Variants in KDSR observed in about 807,000 individuals in gnomAD.
KDSR encodes the protein 3-dehydrosphinganine reductase.
KDSR carries 23 observed loss-of-function variants against 41.3 expected under a neutral mutation model. The observed-to-expected ratio is 0.56, with a 90% CI of 0.40 to 0.79. The LOEUF is 0.79. Among genes scored for constraint, KDSR ranks in the 30% least tolerant of loss-of-function variants. KDSR has a pLI of 0.00. For synonymous variants in KDSR, 138 were observed against 151.7 expected, an observed-to-expected ratio of 0.91 and a Z score of 0.66; for missense variants, 351 against 416.8, an observed-to-expected ratio of 0.84 and a Z score of 1.37.
At chr18:63,358,710 G>A (rs1200918528) in intron 3 of KDSR, among the ~76,000 whole-genome samples, 1 of 150,206 alleles carries the variant, frequency 6.7e-6, no homozygotes, top group African/African-American at 2.4e-5. Context: ...AGCTACTCAG[G>A]AGGCTGAGGC....
chr18:63,337,094 T>G (rs2850769), intron 8 of KDSR, among the ~76,000 whole-genome samples: 1 of 38,702 alleles, frequency 2.6e-5, no homozygotes, highest in Non-Finnish European at 6.6e-5. Context: ...ATATGTGACT[T>G]TATATATATA....
chr18:63,337,864 G>T (rs1221083946), intron 8 of KDSR, among the ~76,000 whole-genome samples: 1 of 152,166 alleles, frequency 6.6e-6, no homozygotes, highest in Middle Eastern at 3.2e-3. Context: ...GGAGGCAGAG[G>T]TTGCAGTGAG....
intron 2 of KDSR, 119 bp from the exon 3 acceptor site, chr18:63,359,911 C>A (rs906063346): frequency 3.6e-5 from 26 of 724,290 alleles, no homozygotes; most frequent in South Asian, 3.0e-5. Context: ...AGAAAACACA[C>A]AAAACAGTAT....
intron 7 of KDSR, among the ~76,000 whole-genome samples, chr18:63,342,672 C>T (rs1914376290): frequency 6.6e-6 from 1 of 152,050 alleles, no homozygotes; most frequent in Admixed American, 6.6e-5. Context: ...GGGAGGAGTA[C>T]ACAGGGAATG....
chr18:63,366,952 G>T, intron 1 of KDSR, 59 bp downstream of exon 1: 1 of 960,254 alleles, frequency 1.0e-6, no homozygotes, highest in South Asian at 4.5e-5. Flanking sequence ...ACGCGGCCTC[G>T]GCGGCGGAAA....
chr18:63,329,575 A>G lies in KDSR; in HGVS notation c.*2207T>C, dbSNP rs1453466278. 3 of 202,490 alleles carry G rather than the reference A, an allele frequency of 1.5e-5. No individual in the cohort carries two copies. Among genetic ancestry groups the G allele is most frequent in the African/African-American group, 6.9e-5 (3 of 43,658 alleles). The allele number at this position is 202,490 out of a possible 1,614,324, so 12.5% of individuals were successfully genotyped here. A position where few individuals can be genotyped will look rare whatever the true frequency, so the allele number is the denominator to read the frequency against. ...ATGGTCTCTGCAAATCTGCTCTCAT[A>G]TTTCAGTGGAAATTGGGATAGGGAC... On this transcript the variant is annotated 3_prime_UTR_variant, in exon 10 of 10. Coordinates refer to ENST00000645214, the MANE Select transcript of KDSR (RefSeq NM_002035.4).
chr18:63,342,395 G>C (rs1036288087), intron 7 of KDSR, among the ~76,000 whole-genome samples: 2 of 152,092 alleles, frequency 1.3e-5, no homozygotes, highest in African/African-American at 4.8e-5. Flanking sequence ...TGACACCACC[G>C]CTGGGTGGCA....
At position 63,328,284 on chromosome 18, in the gene KDSR, C is replaced by T. The variant is rs1377354295; in HGVS notation, c.*3498G>A. ...GTTTTCATCACCTAAATACTAGAAACAATCTCTCAAAATTTCACTTGCAAT... is the reference window on the plus strand; with the variant it reads ...GTTTTCATCACCTAAATACTAGAAATAATCTCTCAAAATTTCACTTGCAAT... On this transcript the variant is annotated 3_prime_UTR_variant, in exon 10 of 10. Transcript: ENST00000645214. 1.1e-5 allele frequency: 2 copies of T among 178,038 alleles called. No individual in the cohort carries two copies. The highest frequency in any genetic ancestry group is 2.4e-5 in the Non-Finnish European group (2 of 83,246). 11.0% of individuals were successfully genotyped at this position (178,038 alleles called of 1,614,324 possible). A position where few individuals can be genotyped will look rare whatever the true frequency, so the allele number is the denominator to read the frequency against.
At chr18:63,343,169 C>T (rs1266580750) in intron 7 of KDSR, among the ~76,000 whole-genome samples, 5 of 152,090 alleles carry the variant, frequency 3.3e-5, no homozygotes, top group South Asian at 2.1e-4. Flanking sequence ...AATGCAAGAA[C>T]GGACTAATAC....
At chr18:63,341,449 G>A (rs563360080) in intron 7 of KDSR, among the ~76,000 whole-genome samples, 3 of 150,624 alleles carry the variant, frequency 2.0e-5, no homozygotes, top group African/African-American at 7.3e-5. Context: ...AAACCTAGAA[G>A]GGAGAACAAA....
intron 9 of KDSR, among the ~76,000 whole-genome samples, chr18:63,332,430 G>A (rs1405353172): frequency 6.6e-6 from 1 of 152,110 alleles, no homozygotes; most frequent in Non-Finnish European, 1.5e-5. Flanking sequence ...GAGTGCAGTG[G>A]CATGAACGCG....
At chr18:63,353,589 C>T (rs1010902607) in intron 5 of KDSR, among the ~76,000 whole-genome samples, 1 of 151,980 alleles carries the variant, frequency 6.6e-6, no homozygotes, top group South Asian at 2.1e-4. Context: ...GCCCAAATGG[C>T]CATCGATGAT....
intron 5 of KDSR, among the ~76,000 whole-genome samples, chr18:63,352,077 C>T (rs1490290666): frequency 6.6e-6 from 1 of 152,172 alleles, no homozygotes; most frequent in Non-Finnish European, 1.5e-5. Flanking sequence ...AGCCACTGCG[C>T]CTAGCCTGAG....
chr18:63,331,282 GAGACAGAGAGACAGAGAGACAGAGAGAC>G lies in KDSR; in HGVS notation c.*472_*499del. Reference sequence around the variant, plus strand: ...AAAGAAAGAAAGAGAGAGAGAGAGAGAGACAGAGAGACAGAGAGACAGAGAGACAGAGAGACAGAGAGACAGAGAGAGA... The same window carrying G: ...AAAGAAAGAAAGAGAGAGAGAGAGAGAGAGAGACAGAGAGACAGAGAGAGA... On this transcript the variant is annotated 3_prime_UTR_variant, in exon 10 of 10. Coordinates refer to ENST00000645214, the MANE Select transcript of KDSR (RefSeq NM_002035.4). The G allele has an allele frequency of 2.7e-5, 1 of 36,826 alleles. No homozygotes were observed. The highest frequency in any genetic ancestry group is 6.7e-5 in the Non-Finnish European group (1 of 14,928). The allele number at this position is 36,826 out of a possible 1,614,324, so 2.3% of individuals were successfully genotyped here. A position where few individuals can be genotyped will look rare whatever the true frequency, so the allele number is the denominator to read the frequency against.
Position 63,361,222 on chromosome 18 carries a change from AAAAAAAAAAAAAAAAG to A in KDSR, c.199-1446_199-1431del, listed in dbSNP as rs1402859524. ...AAAACTCCGTCTCAAAAAAAAAAAAAAAAAAAAAAAAAAAAGAATGAATTACTCAACACCACAGGTT... is the reference window on the plus strand; with the variant it reads ...AAAACTCCGTCTCAAAAAAAAAAAAAAATGAATTACTCAACACCACAGGTT... On this transcript the variant is annotated intron_variant, in intron 2 of 9. Coordinates refer to ENST00000645214, the MANE Select transcript of KDSR (RefSeq NM_002035.4). Among the ~76,000 whole-genome samples, 8 of 131,890 alleles carry A rather than the reference AAAAAAAAAAAAAAAAG, an allele frequency of 6.1e-5. No homozygotes were observed. In the South Asian group the frequency reaches 1.2e-3, roughly 20 times the overall value. 86.5% of individuals were successfully genotyped at this position (131,890 alleles called of 152,430 possible). A position where few individuals can be genotyped will look rare whatever the true frequency, so the allele number is the denominator to read the frequency against.
chr18:63,327,922 A>C lies in KDSR; in HGVS notation c.*3860T>G, dbSNP rs1426366040. The C allele has an allele frequency of 4.9e-6, 1 of 202,614 alleles. No homozygotes were observed. The highest frequency in any genetic ancestry group is 1.0e-5 in the Non-Finnish European group (1 of 98,662). The allele number at this position is 202,614 out of a possible 1,614,324, so 12.6% of individuals were successfully genotyped here. ...ATCACATCAAGCAAGTGTAAAATAT[A>C]ATAGCTACTATCTCCCCTTCAAAAT... On this transcript the variant is annotated 3_prime_UTR_variant, in exon 10 of 10. Coordinates refer to ENST00000645214, the MANE Select transcript of KDSR (RefSeq NM_002035.4).
In KDSR at chr18:63,330,964, C is replaced by T. The variant is rs903022189; in HGVS notation, c.*818G>A. 3.9e-5 allele frequency: 9 copies of T among 230,854 alleles called. No homozygotes were observed. The highest frequency in any genetic ancestry group is 1.8e-4 in the South Asian group (1 of 5,492). 14.3% of individuals were successfully genotyped at this position (230,854 alleles called of 1,614,324 possible). ...AAATTCTTAAGCTTCTAGATTTTAC[C>T]GCTCTTCAGAAAACATTTAAGGAGG... On this transcript the variant is annotated 3_prime_UTR_variant, in exon 10 of 10. Coordinates refer to ENST00000645214, the MANE Select transcript of KDSR (RefSeq NM_002035.4).
intron 3 of KDSR, among the ~76,000 whole-genome samples, chr18:63,357,588 A>ATTTT (rs1162409539): frequency 0.033 from 2,051 of 62,752 alleles, 29 homozygotes; most frequent in South Asian, 0.17. Context: ...ATATATATAT[A>ATTTT]TATATATTTT....
At chr18:63,364,740 G>T (rs1047322272) in intron 1 of KDSR, among the ~76,000 whole-genome samples, 1 of 152,102 alleles carries the variant, frequency 6.6e-6, no homozygotes, top group African/African-American at 2.4e-5. Context: ...CACTGTACCC[G>T]GCCATATCGT....
Sources: gnomAD v4.1 joint callset for allele counts (sites outside exome capture counted in the v4.1 genomes callset) on GRCh38, gnomAD v4.1.1 for gene constraint, MANE v1.5 for transcripts, NCBI Gene and HGNC (gene_info 2026-07-23, HGNC 2026-07-21) for gene names.